EDIL3: variants seen among roughly 807,000 people sequenced by gnomAD.
The protein encoded by EDIL3 is EGF-like repeat and discoidin I-like domain-containing protein 3.
A neutral mutation model predicts 67.4 loss-of-function variants in EDIL3; 37 were observed. The observed-to-expected ratio is 0.55, with a 90% CI of 0.42 to 0.72. The LOEUF (loss-of-function observed/expected upper bound fraction) is 0.72, where lower values mean the gene tolerates loss of function less well. EDIL3 is among the 30% of genes least tolerant of loss of function. The pLI is 0.00. For missense variants in EDIL3, 527 were observed against 586.3 expected, an observed-to-expected ratio of 0.90 and a Z score of 1.04; for synonymous variants, 195 against 196.3, an observed-to-expected ratio of 0.99 and a Z score of 0.05.
intron 5 of EDIL3, among the ~76,000 whole-genome samples, chr5:84,110,865 T>C (rs348900): frequency 0.75 from 113,937 of 152,044 alleles, 42,852 homozygotes; most frequent in Middle Eastern, 0.79. Flanking sequence ...GAGGATGTAA[T>C]GGAGTTTTCA....
chr5:83,948,867 T>C (rs941303675), intron 10 of EDIL3, among the ~76,000 whole-genome samples: 19 of 151,898 alleles, frequency 1.3e-4, no homozygotes, highest in African/African-American at 3.9e-4. Flanking sequence ...ATGGCTAGTA[T>C]ATTATTCTTG....
intron 4 of EDIL3, among the ~76,000 whole-genome samples, chr5:84,151,163 T>C (rs555299486): frequency 4.1e-4 from 62 of 152,208 alleles, no homozygotes; most frequent in Admixed American, 2.1e-3. Flanking sequence ...GTGTATTTTA[T>C]TCTGCGCTAA....
At chr5:83,995,356 G>A (rs1745221257) in intron 9 of EDIL3, among the ~76,000 whole-genome samples, 1 of 152,110 alleles carries the variant, frequency 6.6e-6, no homozygotes, top group Non-Finnish European at 1.5e-5. Flanking sequence ...ACTAAGCGAA[G>A]GCATTTATTC....
At chr5:84,164,359 C>T (rs1054029843) in intron 4 of EDIL3, among the ~76,000 whole-genome samples, 1 of 151,962 alleles carries the variant, frequency 6.6e-6, no homozygotes, top group African/African-American at 2.4e-5. Flanking sequence ...TAAATATGTG[C>T]TTCCTTGAAT....
At chr5:84,306,780 T>G (rs1746283498) in intron 1 of EDIL3, among the ~76,000 whole-genome samples, 1 of 152,220 alleles carries the variant, frequency 6.6e-6, no homozygotes, top group Admixed American at 6.5e-5. Flanking sequence ...CAGCTGTATC[T>G]TACGGAAAGT....
At position 84,072,238 on chromosome 5, in the gene EDIL3, GATCA is replaced by G. The variant is rs550379553; in HGVS notation, c.652-5636_652-5633del. 3.0e-3 allele frequency among the ~76,000 whole-genome samples: 462 copies of G among 152,038 alleles called. 1 individual carries two copies. Among genetic ancestry groups the G allele is most frequent in the Non-Finnish European group, 5.3e-3 (362 of 67,916 alleles). On this transcript the variant is annotated intron_variant, in intron 6 of 10. Transcript: ENST00000296591. ...ACAAATTATATCATAGCAAATGGTT[GATCA>G]ATCAAAGATATTAGATTATACATAT...
At chr5:84,106,956 A>G (rs547837635) in intron 5 of EDIL3, 126 bp from the exon 6 acceptor site, 2 of 1,028,668 alleles carry the variant, frequency 1.9e-6, no homozygotes, top group Non-Finnish European at 2.8e-6. Context: ...TTTACTCTTC[A>G]TCCCCTTTAC....
chr5:83,980,807 A>G (rs1304803660), intron 9 of EDIL3, among the ~76,000 whole-genome samples: 2 of 151,262 alleles, frequency 1.3e-5, no homozygotes, highest in East Asian at 3.9e-4. Context: ...GTAGGAAACA[A>G]GATCACTATA....
At chr5:83,987,869 G>GTATATATATATATATATATATATATA (rs34360330) in intron 9 of EDIL3, among the ~76,000 whole-genome samples, 13 of 138,406 alleles carry the variant, frequency 9.4e-5, no homozygotes, top group African/African-American at 3.5e-4. Flanking sequence ...GTGTGTGTAT[G>GTATATATATATATATATATATATATA]TATATATATA....
At chr5:84,206,942 C>T (rs1040232154) in intron 3 of EDIL3, among the ~76,000 whole-genome samples, 3 of 152,172 alleles carry the variant, frequency 2.0e-5, no homozygotes, top group African/African-American at 7.2e-5. Context: ...CAATATCATA[C>T]TGAATGGGCA....
At chr5:84,116,751 C>T in intron 5 of EDIL3, among the ~76,000 whole-genome samples, 1 of 152,092 alleles carries the variant, frequency 6.6e-6, no homozygotes, top group East Asian at 1.9e-4. Flanking sequence ...TGTAAAGCTA[C>T]TAAAACAAAG....
intron 6 of EDIL3, among the ~76,000 whole-genome samples, chr5:84,098,215 A>G (rs1024267640): frequency 5.3e-5 from 8 of 152,130 alleles, no homozygotes; most frequent in Non-Finnish European, 8.8e-5. Flanking sequence ...GTAAAATGGC[A>G]ATTTCAATTT....
chr5:84,084,003 C>T (rs922099125), intron 6 of EDIL3, among the ~76,000 whole-genome samples: 5 of 147,814 alleles, frequency 3.4e-5, no homozygotes, highest in African/African-American at 1.3e-4. Flanking sequence ...TTGTGGTCAT[C>T]TCTGCTTCCT....
At chr5:84,367,514 G>C (rs1466725404) in intron 1 of EDIL3, among the ~76,000 whole-genome samples, 2 of 152,208 alleles carry the variant, frequency 1.3e-5, no homozygotes, top group African/African-American at 4.8e-5. Context: ...AGGAGCGGTG[G>C]CTCATGCCTG....
rs1491436966 is a variant in EDIL3, at chr5:84,132,498, T to TAAAATATATAATATATA, written c.469+4742_469+4743insTATATATTATATATTTT. 5.0e-4 allele frequency among the ~76,000 whole-genome samples: 58 copies of TAAAATATATAATATATA among 114,964 alleles called. 1 individual carries two copies. Among genetic ancestry groups the TAAAATATATAATATATA allele is most frequent in the African/African-American group, 2.0e-3 (57 of 28,412 alleles). The allele number at this position is 114,964 out of a possible 152,430, so 75.4% of individuals were successfully genotyped here. ...TATATATTTTAATATATATTATATA[T>TAAAATATATAATATATA]TTTATATATAATATATATTTTAATA... is the stretch of plus-strand genomic sequence containing the variant. On this transcript the variant is annotated intron_variant, in intron 5 of 10. Transcript: ENST00000296591.
intron 2 of EDIL3, among the ~76,000 whole-genome samples, chr5:84,243,987 G>A (rs896240632): frequency 7.2e-5 from 11 of 152,104 alleles, no homozygotes; most frequent in South Asian, 2.1e-4. Context: ...TAAACAATAA[G>A]TTGTCTTACA....
At chr5:84,329,028 A>G (rs1746820912) in intron 1 of EDIL3, among the ~76,000 whole-genome samples, 1 of 152,150 alleles carries the variant, frequency 6.6e-6, no homozygotes, top group African/African-American at 2.4e-5. Flanking sequence ...CATTATCTGC[A>G]TATTAAATGA....
At chr5:84,355,301 C>T (rs1018570338) in intron 1 of EDIL3, among the ~76,000 whole-genome samples, 28 of 151,908 alleles carry the variant, frequency 1.8e-4, no homozygotes, top group African/African-American at 4.8e-4. Context: ...GTATGCTTCA[C>T]GAAGTTCTCG....
chr5:84,007,830 C>CA (rs1198605982), intron 9 of EDIL3, among the ~76,000 whole-genome samples: 3 of 152,098 alleles, frequency 2.0e-5, no homozygotes, highest in African/African-American at 7.2e-5. Flanking sequence ...TTCCTACTCC[C>CA]AGGTTTATTG....
Sources: gnomAD v4.1 joint callset for allele counts (sites outside exome capture counted in the v4.1 genomes callset) on GRCh38, gnomAD v4.1.1 for gene constraint, MANE v1.5 for transcripts, NCBI Gene and HGNC (gene_info 2026-07-23, HGNC 2026-07-21) for gene names.